CNKSR1: variants seen among roughly 807,000 people sequenced by gnomAD.
CNKSR1 encodes connector enhancer of kinase suppressor of Ras 1.
Under a neutral mutation model 95.6 loss-of-function variants are expected in CNKSR1, and 88 were observed. The observed-to-expected ratio is 0.92, with a 90% CI of 0.78 to 1.10. The LOEUF is 1.10. CNKSR1 is among the 50% of genes least tolerant of loss of function. The pLI is 0.00. For missense variants in CNKSR1, 836 were observed against 912.0 expected (o/e 0.92, Z 1.07); for synonymous variants, 355 against 369.7 (o/e 0.96, Z 0.46).
Position 26,188,222 on chromosome 1 carries a change from T to G in CNKSR1, c.1455-12T>G. On this transcript the variant is annotated splice_polypyrimidine_tract_variant and intron_variant, in intron 16 of 20. Transcript: ENST00000361530. ...GGATGGAAACCCTGTGAGACCTGCT[T>G]GCTCTCCATAGGTGGGTGCGTCATC... The G allele has an allele frequency of 6.2e-7, 1 of 1,613,558 alleles. No homozygotes were observed. The highest frequency in any genetic ancestry group is 1.6e-4 in the Middle Eastern group (1 of 6,062).
chr1:26,184,321 G>A (rs111870124), intron 11 of CNKSR1, 34 bp downstream of exon 11: 17 of 1,608,346 alleles, frequency 1.1e-5, no homozygotes, highest in African/African-American at 6.7e-5. Context: ...CCCCGGACAC[G>A]GCATCTGGGC....
In CNKSR1 at chr1:26,188,894, C is replaced by A. The variant is rs368570028; in HGVS notation, c.1813C>A (p.Arg605=). The A allele has an allele frequency of 3.7e-6, 6 of 1,613,936 alleles. No homozygotes were observed. Among genetic ancestry groups the A allele is most frequent in the South Asian group, 1.1e-5 (1 of 91,074 alleles). The change falls in exon 20 of 21, where the codon CGA becomes AGA. Residue 605 remains arginine, a synonymous_variant. Transcript: ENST00000361530. ...QWRSSFMRRN[R]DPQLNERVHR... is the part of the protein sequence containing the mutation. ...GCGGAGCTCTTTCATGCGGCGCAAC[C>A]GAGACCCTCAGCTCAATGAGCGAGT...
chr1:26,182,330 G>A, intron 4 of CNKSR1, 31 bp from the exon 5 acceptor site: 1 of 1,613,534 alleles, frequency 6.2e-7, no homozygotes, highest in South Asian at 1.1e-5. Flanking sequence ...CTTGCTCAGG[G>A]GAGGCCCCTG....
Position 26,183,418 on chromosome 1 carries a change from C to G in CNKSR1, c.753+4C>G, listed in dbSNP as rs2088680989. 1.2e-5 allele frequency: 19 copies of G among 1,613,816 alleles called. No homozygotes were observed. Among genetic ancestry groups the G allele is most frequent in the Non-Finnish European group, 1.4e-5 (17 of 1,179,892 alleles). ...CCAGATCAACGAGCAGGTGGTGGTG[C>G]GTGAGGAGAGGGACATGGTAGGAGG... On this transcript the variant is annotated splice_donor_region_variant and intron_variant, in intron 8 of 20. Transcript: ENST00000361530.
rs372667330 is a variant in CNKSR1, at chr1:26,183,794, G to T, written c.819G>T (p.Val273=). The T allele has an allele frequency of 6.2e-7, 1 of 1,613,348 alleles. No individual in the cohort carries two copies. Among genetic ancestry groups the T allele is most frequent in the East Asian group, 2.2e-5 (1 of 44,858 alleles). ...GGGAGCCAGCCGGACTCAGCTTAGT[G>T]CTGAAGAAGATCCCGATACCGGAGA... ...LLREPAGLSL[V]LKKIPIPETP... is the part of the protein sequence containing the mutation. Residue 273 remains valine, a synonymous_variant, in exon 9 of 21, where the codon GTG becomes GTT. Transcript: ENST00000361530.
chr1:26,183,187 G>C lies in CNKSR1; in HGVS notation c.625-10G>C. The C allele has an allele frequency of 6.2e-7, 1 of 1,613,928 alleles. No individual in the cohort carries two copies. The highest frequency in any genetic ancestry group is 1.3e-5 in the African/African-American group (1 of 75,018). On this transcript the variant is annotated splice_polypyrimidine_tract_variant and intron_variant, in intron 6 of 20. Transcript: ENST00000361530. ...CCAGCCCCCGGTGACTATAGCCTCT[G>C]CCTCTGCAGGGCCTAGAAATTCACA...
chr1:26,183,229 G>A lies in CNKSR1; in HGVS notation c.657G>A (p.Gln219=), dbSNP rs1432426046. ...AAATTCACACCACCAGCAATTGCCA[G>A]CACTTTGTGTCCCAAGTGGACACCC... The part of the protein sequence containing the change: ...GLEIHTTSNC[Q]HFVSQVDTQV... The change falls in exon 7 of 21, where the codon CAG becomes CAA. Residue 219 remains glutamine, a synonymous_variant. Coordinates refer to ENST00000361530, the MANE Select transcript of CNKSR1 (RefSeq NM_006314.3). The A allele has an allele frequency of 1.4e-5, 23 of 1,614,152 alleles. No homozygotes were observed. Among genetic ancestry groups the A allele is most frequent in the Non-Finnish European group, 1.9e-5 (22 of 1,180,020 alleles).
intron 20 of CNKSR1, 79 bp from the exon 21 acceptor site, chr1:26,189,200 C>T: frequency 1.9e-6 from 3 of 1,560,126 alleles, no homozygotes; most frequent in South Asian, 1.1e-5. Flanking sequence ...GGCACCGGAC[C>T]TCCGGAGTGA....
In CNKSR1 at chr1:26,187,490, CCGCCTCCCTTAGCCCCTA is replaced by C. The variant is rs2088776295; in HGVS notation, c.1454+10_1454+27del. On this transcript the variant is annotated intron_variant, in intron 16 of 20. Coordinates refer to ENST00000361530, the MANE Select transcript of CNKSR1 (RefSeq NM_006314.3). Reference sequence around the variant, plus strand: ...CCTGACAGATCTGAGCATGTGAGTGCCGCCTCCCTTAGCCCCTACTCTCATATGATTCCCAAACTCTGT... The same window carrying C: ...CCTGACAGATCTGAGCATGTGAGTGCCTCTCATATGATTCCCAAACTCTGT... 4 of 1,613,616 alleles carry C rather than the reference CCGCCTCCCTTAGCCCCTA, an allele frequency of 2.5e-6. No individual in the cohort carries two copies. Among genetic ancestry groups the C allele is most frequent in the Admixed American group, 1.7e-5 (1 of 60,008 alleles).
chr1:26,187,917 G>C (rs1158306320), intron 16 of CNKSR1, among the ~76,000 whole-genome samples: 1 of 151,690 alleles, frequency 6.6e-6, no homozygotes, highest in African/African-American at 2.4e-5. Flanking sequence ...CACTGCACCC[G>C]GCATCTCTCT....
At chr1:26,189,080 A>G in intron 20 of CNKSR1, 127 bp downstream of exon 20, 1 of 1,320,802 alleles carries the variant, frequency 7.6e-7, no homozygotes, top group Non-Finnish European at 1.1e-6. Flanking sequence ...CCCTGGGCTT[A>G]GCAGCTGACA....
Position 26,183,819 on chromosome 1 carries a change from A to AC in CNKSR1, c.851dup (p.Gln285ThrfsTer29), listed in dbSNP as rs781114848. ...GCTGAAGAAGATCCCGATACCGGAGACCCCCCCACAGGTACCTTCCCCTGC... is the reference window on the plus strand; with the variant it reads ...GCTGAAGAAGATCCCGATACCGGAGACCCCCCCCACAGGTACCTTCCCCTGC... On this transcript the variant is annotated frameshift_variant, in exon 9 of 21. Coordinates refer to ENST00000361530, the MANE Select transcript of CNKSR1 (RefSeq NM_006314.3). LOFTEE classifies it high-confidence loss of function. The AC allele has an allele frequency of 9.7e-5, 129 of 1,336,204 alleles. No homozygotes were observed. In the East Asian group the frequency reaches 2.0e-3, roughly 21 times the overall value. The allele number at this position is 1,336,204 out of a possible 1,614,324, so 82.8% of individuals were successfully genotyped here. A position where few individuals can be genotyped will look rare whatever the true frequency, so the allele number is the denominator to read the frequency against.
rs1375323583 is a variant in CNKSR1 at position 26,188,262 on chromosome 1, T to A, written c.1483T>A (p.Ser495Thr). 2 of 1,613,898 alleles carry A rather than the reference T, an allele frequency of 1.2e-6. No homozygotes were observed. Among genetic ancestry groups the A allele is most frequent in the African/African-American group, 2.7e-5 (2 of 74,834 alleles). The change falls in exon 17 of 21, where the codon TCC (serine) becomes ACC (threonine). Residue 495 changes from serine (S) to threonine (T), a missense_variant. Ser to Thr is a moderately conservative substitution (Grantham distance 58). Coordinates refer to ENST00000361530, the MANE Select transcript of CNKSR1 (RefSeq NM_006314.3). ...GGTGCGTCATCTCATTACCTGCATC[T>A]CCAAGTACCAGTCTCCAGGCCGGGC... The part of the protein sequence containing the change: ...MWVRHLITCI[S>T]KYQSPGRAPP...
At chr1:26,184,014 C>A in intron 9 of CNKSR1, 57 bp from the exon 10 acceptor site, 1 of 1,315,472 alleles carries the variant, frequency 7.6e-7, no homozygotes, top group Non-Finnish European at 1.1e-6. Flanking sequence ...CCCCTGTTGC[C>A]CCCCAACCTG....
intron 1 of CNKSR1, among the ~76,000 whole-genome samples, chr1:26,177,996 C>T (rs1222966941): frequency 2.0e-5 from 3 of 151,984 alleles, no homozygotes; most frequent in Non-Finnish European, 4.4e-5. Flanking sequence ...AAACTGCGGG[C>T]TCTATCAGTC....
chr1:26,183,776 A>G lies in CNKSR1; in HGVS notation c.801A>G (p.Pro267=). 6.2e-7 allele frequency: 1 copy of G among 1,613,552 alleles called. No homozygotes were observed. The highest frequency in any genetic ancestry group is 8.5e-7 in the Non-Finnish European group (1 of 1,179,724). The change falls in exon 9 of 21, where the codon CCA becomes CCG. Residue 267 remains proline (P), a synonymous_variant. Transcript: ENST00000361530. ...TGGTGAGGGAACTGCTGCGGGAGCC[A>G]GCCGGACTCAGCTTAGTGCTGAAGA... ...KNMVRELLRE[P]AGLSLVLKKI... is the part of the protein sequence containing the mutation.
At chr1:26,183,979 G>C in intron 9 of CNKSR1, 92 bp from the exon 10 acceptor site, 2 of 706,878 alleles carry the variant, frequency 2.8e-6, no homozygotes, top group Non-Finnish European at 5.0e-6. Flanking sequence ...CCCCCCCACA[G>C]GTACCTGCTC....
At chr1:26,185,500 C>T (rs1278697613) in intron 14 of CNKSR1, among the ~76,000 whole-genome samples, 6 of 150,764 alleles carry the variant, frequency 4.0e-5, no homozygotes, top group Non-Finnish European at 7.4e-5. Context: ...TCACGCCATT[C>T]TCCTGCCTCA....
chr1:26,181,792 T>C, intron 3 of CNKSR1, 65 bp from the exon 4 acceptor site: 2 of 1,484,304 alleles, frequency 1.3e-6, no homozygotes, highest in Non-Finnish European at 1.9e-6. Context: ...GAGTAATTGG[T>C]GAGTAATTGG....
Sources: allele counts gnomAD v4.1 joint callset (sites outside exome capture counted in the v4.1 genomes callset), GRCh38; gene constraint gnomAD v4.1.1; transcripts MANE v1.5; gene names NCBI Gene and HGNC (gene_info 2026-07-23, HGNC 2026-07-21).